The following ITIH5 variants were observed in gnomAD, a reference collection of about 807,000 sequenced individuals.
ITIH5 encodes the protein inter-alpha-trypsin inhibitor heavy chain 5, also known as inter-alpha-trypsin inhibitor heavy chain H5.
ITIH5 carries 65 observed loss-of-function variants against 77.5 expected under a neutral mutation model. That is an observed-to-expected ratio of 0.84 (90% CI 0.69 to 1.03). The LOEUF is 1.03. Ranked by LOEUF, ITIH5 falls within the 50% of genes least tolerant of loss-of-function variation. ITIH5 has a pLI of 0.00. For synonymous variants in ITIH5, 525 were observed against 494.3 expected (o/e 1.06, Z -0.82); for missense variants, 1,208 against 1,213.1 (o/e 1.00, Z 0.06).
At chr10:7,572,180 C>T in intron 11 of ITIH5, 1 of 1,197,800 alleles carries the variant, frequency 8.3e-7, no homozygotes, top group South Asian at 1.6e-5. Flanking sequence ...ATATCCACAG[C>T]TCATCTCCGG....
intron 11 of ITIH5, chr10:7,571,932 G>T: frequency 1.0e-6 from 1 of 986,216 alleles, no homozygotes; most frequent in Non-Finnish European, 1.2e-6. Flanking sequence ...GAGGACAACT[G>T]TCTAGCTCAT....
intron 11 of ITIH5, chr10:7,572,509 GA>G: frequency 1.6e-6 from 2 of 1,238,138 alleles, no homozygotes; most frequent in Non-Finnish European, 2.1e-6. Context: ...GCATGCTCCG[GA>G]TCTCTAAAAC....
chr10:7,610,044 C>G (rs1006239599), intron 7 of ITIH5, among the ~76,000 whole-genome samples: 23 of 150,864 alleles, frequency 1.5e-4, no homozygotes, highest in Admixed American at 1.0e-3. Context: ...TTTTCTCCCC[C>G]CTCCCTTTCT....
Position 7,655,572 on chromosome 10 carries a change from T to C in ITIH5, c.135+59A>G. The C allele has an allele frequency of 1.1e-5, 15 of 1,395,812 alleles. No homozygotes were observed. The South Asian group carries it at 1.8e-4, about 17-fold the overall frequency. 86.5% of individuals were successfully genotyped at this position (1,395,812 alleles called of 1,614,324 possible). A position where few individuals can be genotyped will look rare whatever the true frequency, so the allele number is the denominator to read the frequency against. On this transcript the variant is annotated intron_variant, in intron 2 of 13. Transcript: ENST00000397146. ...TCTGCAAGCAAAGTGGATACCTGGT[T>C]CAAAATAAATAGAAGAATGAGGGAA... is the stretch of plus-strand genomic sequence containing the variant.
chr10:7,618,628 TCAAAGCCAGACTTAAAACTGCTG>T (rs1833416301), intron 5 of ITIH5: 1 of 152,216 alleles, frequency 6.6e-6, no homozygotes, highest in Non-Finnish European at 1.5e-5. Context: ...AGATATTGAA[TCAAAGCCAGACTTAAAACTGCTG>T]CAAAGCCTCT....
intron 8 of ITIH5, among the ~76,000 whole-genome samples, chr10:7,583,775 A>G (rs1832616395): frequency 6.6e-6 from 1 of 152,198 alleles, no homozygotes; most frequent in Admixed American, 6.5e-5. Context: ...AGGAGAGCAC[A>G]GGCAGAGGGA....
intron 10 of ITIH5, among the ~76,000 whole-genome samples, chr10:7,573,738 T>C (rs767967855): frequency 4.6e-4 from 70 of 151,104 alleles, no homozygotes; most frequent in South Asian, 1.3e-3. Context: ...ATGTAAAGTG[T>C]GTAGGATTAA....
chr10:7,567,131 A>G (rs1280443682), intron 12 of ITIH5, among the ~76,000 whole-genome samples: 5 of 151,746 alleles, frequency 3.3e-5, no homozygotes, highest in Non-Finnish European at 7.4e-5. Context: ...GGGATAGGGG[A>G]GAGAGGATGT....
chr10:7,628,253 T>A (rs1472389715), intron 5 of ITIH5, among the ~76,000 whole-genome samples: 1 of 152,248 alleles, frequency 6.6e-6, no homozygotes. Context: ...AAGGAAACTC[T>A]GTAACCATCC....
rs1336826600 is a variant in ITIH5, at chr10:7,604,796, CTA to C, written c.939+11184_939+11185del. Among the ~76,000 whole-genome samples the C allele has an allele frequency of 4.0e-5, 6 of 151,122 alleles. No individual in the cohort carries two copies. In the Admixed American group the frequency reaches 4.0e-4, roughly 10 times the overall value. On this transcript the variant is annotated intron_variant, in intron 7 of 13. Coordinates refer to ENST00000397146, the MANE Select transcript of ITIH5 (RefSeq NM_030569.7). ...TCTCCCCTACAATCCTTTCCACTAT[CTA>C]TGTTAGTTTTGAATAATGTAAGATT...
chr10:7,638,037 A>G (rs903563210), intron 4 of ITIH5, among the ~76,000 whole-genome samples: 8 of 152,200 alleles, frequency 5.3e-5, no homozygotes, highest in African/African-American at 1.9e-4. Flanking sequence ...ACTGATCACT[A>G]GAGGAATAAG....
At chr10:7,634,088 CAAAAAAAA>C (rs752092484) in intron 5 of ITIH5, among the ~76,000 whole-genome samples, 3 of 60,036 alleles carry the variant, frequency 5.0e-5, no homozygotes, top group African/African-American at 6.8e-5. Context: ...GACTCCGTCT[CAAAAAAAA>C]AAAAAAAAAA....
rs1443186191 is a variant in ITIH5, at chr10:7,576,957, G to T, written c.1474C>A (p.Pro492Thr). Residue 492 changes from proline (P) to threonine (T), a missense_variant, in exon 10 of 14, where the codon CCC becomes ACC. Pro to Thr is a conservative substitution (Grantham distance 38). Coordinates refer to ENST00000397146, the MANE Select transcript of ITIH5 (RefSeq NM_030569.7). Reference protein sequence around the residue: ...LLSDIRIDYPPSSVVQATKTL... With the variant: ...LLSDIRIDYPTSSVVQATKTL... ...TTGGTGGCCTGCACCACTGAGCTGG[G>T]GGGATAATCGATGCGGATGTCAGAG... 1 of 1,614,120 alleles carries T rather than the reference G, an allele frequency of 6.2e-7. No individual in the cohort carries two copies. Among genetic ancestry groups the T allele is most frequent in the East Asian group, 2.2e-5 (1 of 44,870 alleles).
At chr10:7,589,237 C>G (rs1832744234) in intron 7 of ITIH5, among the ~76,000 whole-genome samples, 1 of 152,200 alleles carries the variant, frequency 6.6e-6, no homozygotes, top group Non-Finnish European at 1.5e-5. Context: ...GCGGGCAAAT[C>G]ATTTGAGGTC....
intron 5 of ITIH5, among the ~76,000 whole-genome samples, chr10:7,629,050 T>C (rs1241812884): frequency 1.4e-5 from 2 of 140,992 alleles, no homozygotes; most frequent in East Asian, 2.0e-4. Context: ...GTAGCGTGTG[T>C]CCATGTTGTA....
At chr10:7,617,758 A>G (rs1249095515) in intron 5 of ITIH5, 1 of 152,254 alleles carries the variant, frequency 6.6e-6, no homozygotes, top group African/African-American at 2.4e-5. Context: ...TCAATGCCCT[A>G]TTATTATCTA....
At chr10:7,632,372 A>G (rs1213034039) in intron 5 of ITIH5, among the ~76,000 whole-genome samples, 2 of 152,178 alleles carry the variant, frequency 1.3e-5, no homozygotes, top group Admixed American at 1.3e-4. Context: ...TTGGACCCTG[A>G]TGATGGTTGT....
intron 3 of ITIH5, 151 bp from the exon 4 acceptor site, chr10:7,641,006 A>C: frequency 1.5e-6 from 1 of 685,248 alleles, no homozygotes; most frequent in Non-Finnish European, 2.6e-6. Context: ...ACTACCTTTG[A>C]ATCATTCATT....
chr10:7,657,041 CT>C (rs56737624), intron 1 of ITIH5, among the ~76,000 whole-genome samples: 1,170 of 99,806 alleles, frequency 0.012, 12 homozygotes, highest in African/African-American at 0.044. Context: ...CGCGTTCGGC[CT>C]TTTTTTTTTT....
Sources: gnomAD v4.1 joint callset for allele counts (sites outside exome capture counted in the v4.1 genomes callset) on GRCh38, gnomAD v4.1.1 for gene constraint, MANE v1.5 for transcripts, NCBI Gene and HGNC (gene_info 2026-07-23, HGNC 2026-07-21) for gene names.